The following TAF4B variants were observed in gnomAD, a reference collection of about 807,000 sequenced individuals.
The protein encoded by TAF4B is transcription initiation factor TFIID subunit 4B.
In TAF4B, 38 loss-of-function variants were observed where a neutral mutation model predicts 86.4. The ratio of observed to expected loss-of-function variants is 0.44; its 90% confidence interval spans 0.34 to 0.58. The LOEUF (loss-of-function observed/expected upper bound fraction) is 0.58, where lower values mean the gene tolerates loss of function less well. Ranked by LOEUF, TAF4B falls within the 20% of genes least tolerant of loss-of-function variation. The probability of loss-of-function intolerance (pLI) is 0.02; values close to 1 mark genes in which losing one functional copy is unlikely to be tolerated. For missense variants in TAF4B, 988 were observed against 1,027.6 expected, an observed-to-expected ratio of 0.96 and a Z score of 0.53; for synonymous variants, 388 against 391.2, an observed-to-expected ratio of 0.99 and a Z score of 0.10.
chr18:26,324,363 C>T (rs745551076), intron 11 of TAF4B, among the ~76,000 whole-genome samples: 7 of 152,182 alleles, frequency 4.6e-5, no homozygotes, highest in Non-Finnish European at 7.3e-5. Flanking sequence ...CCACCCGCCT[C>T]GGCCTCCCAA....
intron 14 of TAF4B, among the ~76,000 whole-genome samples, chr18:26,388,133 C>A (rs749668987): frequency 1.3e-5 from 2 of 152,078 alleles, no homozygotes; most frequent in Admixed American, 1.3e-4. Flanking sequence ...CCTATCGAGA[C>A]GTTTTGTGAA....
At chr18:26,231,437 C>T (rs1031808779) in intron 1 of TAF4B, among the ~76,000 whole-genome samples, 1 of 147,928 alleles carries the variant, frequency 6.8e-6, no homozygotes, top group African/African-American at 2.5e-5. Context: ...ACTGCAACCT[C>T]TGCCTCCTGG....
In TAF4B at chr18:26,263,576, G is replaced by A. The variant is rs563023519; in HGVS notation, c.344-1594G>A. 8.5e-5 allele frequency among the ~76,000 whole-genome samples: 13 copies of A among 152,238 alleles called. No individual in the cohort carries two copies. The South Asian group carries it at 2.1e-3, about 24-fold the overall frequency. On this transcript the variant is annotated intron_variant, in intron 1 of 14. Coordinates refer to ENST00000269142, the MANE Select transcript of TAF4B (RefSeq NM_005640.3). Reference sequence around the variant, plus strand: ...CCAAAATTTTGCTTCATTTTGTGGCGTGTCCTATTACCTGATGGTGTCTTT... The same window carrying A: ...CCAAAATTTTGCTTCATTTTGTGGCATGTCCTATTACCTGATGGTGTCTTT...
chr18:26,231,290 A>T (rs1598701233), intron 1 of TAF4B, among the ~76,000 whole-genome samples: 1 of 140,454 alleles, frequency 7.1e-6, no homozygotes. Context: ...TGATCCGCCC[A>T]CCTTGGCCTC....
At chr18:26,254,303 A>ATT (rs79806318) in intron 1 of TAF4B, among the ~76,000 whole-genome samples, 4 of 151,074 alleles carry the variant, frequency 2.6e-5, no homozygotes, top group Non-Finnish European at 5.9e-5. Flanking sequence ...AGTTTTGTTT[A>ATT]TTTTTTTTCC....
intron 5 of TAF4B, among the ~76,000 whole-genome samples, chr18:26,277,168 G>C (rs2056393956): frequency 6.6e-6 from 1 of 151,942 alleles, no homozygotes; most frequent in Non-Finnish European, 1.5e-5. Context: ...CTGCTTTCTT[G>C]ACCCTCCTGG....
chr18:26,335,315 T>TA (rs1224296359), intron 13 of TAF4B, 84 bp downstream of exon 13: 13 of 1,239,406 alleles, frequency 1.0e-5, no homozygotes, highest in African/African-American at 3.0e-5. Flanking sequence ...CAGGGTTTAT[T>TA]TTGCTGTTGC....
intron 9 of TAF4B, among the ~76,000 whole-genome samples, 177 bp from the exon 10 acceptor site, chr18:26,315,052 C>T (rs1357878849): frequency 4.8e-5 from 7 of 145,380 alleles, no homozygotes; most frequent in African/African-American, 1.5e-4. Context: ...AAAATAATGC[C>T]GTTAGTTACA....
intron 1 of TAF4B, among the ~76,000 whole-genome samples, chr18:26,245,329 C>T (rs887971847): frequency 2.6e-5 from 4 of 152,060 alleles, no homozygotes; most frequent in East Asian, 1.9e-4. Context: ...TGCAGACCTT[C>T]GTGGTGAGTG....
chr18:26,298,767 A>G (rs1399383774), intron 9 of TAF4B, among the ~76,000 whole-genome samples: 1 of 145,884 alleles, frequency 6.9e-6, no homozygotes, highest in African/African-American at 2.6e-5. Flanking sequence ...CTGGTCTTGA[A>G]CTCCTGGCCT....
rs151308938 is a variant in TAF4B, at chr18:26,302,811, A to C, written c.1832+9280A>C. ...TTGAATAATTTGTCCTTCCTCAGTGATCTGTAATGTCTCCTATGTCATATA... is the reference window on the plus strand; with the variant it reads ...TTGAATAATTTGTCCTTCCTCAGTGCTCTGTAATGTCTCCTATGTCATATA... On this transcript the variant is annotated intron_variant, in intron 9 of 14. Transcript: ENST00000269142. Among the ~76,000 whole-genome samples, 313 of 151,890 alleles carry C rather than the reference A, an allele frequency of 2.1e-3. 3 individuals carry two copies. The highest frequency in any genetic ancestry group is 3.5e-3 in the Admixed American group (54 of 15,256).
intron 3 of TAF4B, among the ~76,000 whole-genome samples, chr18:26,272,160 G>A (rs1391097867): frequency 6.6e-6 from 1 of 151,998 alleles, no homozygotes; most frequent in Non-Finnish European, 1.5e-5. Context: ...GGCGCGTGGG[G>A]GATTCTTCTG....
intron 1 of TAF4B, among the ~76,000 whole-genome samples, chr18:26,258,998 T>C (rs983308853): frequency 6.6e-6 from 1 of 152,076 alleles, no homozygotes; most frequent in Non-Finnish European, 1.5e-5. Flanking sequence ...AGCCTGTTTT[T>C]AAATTTTAAA....
intron 10 of TAF4B, among the ~76,000 whole-genome samples, chr18:26,316,918 T>G (rs1322188812): frequency 6.6e-6 from 1 of 152,192 alleles, no homozygotes; most frequent in Non-Finnish European, 1.5e-5. Flanking sequence ...CTTCCTGTGA[T>G]GGCTTGGGAA....
Position 26,359,906 on chromosome 18 carries a change from C to T in TAF4B, c.2421+2112C>T, listed in dbSNP as rs199895790. On this transcript the variant is annotated intron_variant, in intron 14 of 14. Coordinates refer to ENST00000269142, the MANE Select transcript of TAF4B (RefSeq NM_005640.3). ...TAATTTTTTTTTTTTTTGGTAGAGA[C>T]GGAGTTTTGCCATGTTGCCCAGCTT... 1.2e-4 allele frequency among the ~76,000 whole-genome samples: 18 copies of T among 150,262 alleles called. No homozygotes were observed. In the East Asian group the frequency reaches 1.6e-3, roughly 13 times the overall value.
chr18:26,285,216 T>TTTTTG (rs1568127485), intron 6 of TAF4B, among the ~76,000 whole-genome samples: 9 of 100,268 alleles, frequency 9.0e-5, no homozygotes, highest in African/African-American at 1.7e-4. Flanking sequence ...TTTCCTTTTT[T>TTTTTG]TTTTTGTTTT....
chr18:26,292,268 G>A lies in TAF4B; in HGVS notation c.1613G>A (p.Gly538Asp). 2.5e-6 allele frequency: 4 copies of A among 1,614,020 alleles called. No individual in the cohort carries two copies. The highest frequency in any genetic ancestry group is 1.3e-5 in the African/African-American group (1 of 75,030). The change falls in exon 8 of 15, where the codon GGC becomes GAC. Residue 538 changes from glycine to aspartate, a missense_variant. Physicochemically the swap from Gly to Asp is moderately conservative, Grantham distance 94 (BLOSUM62 -1). Transcript: ENST00000269142. ...KQLVVQQPSG[G>D]NEKQVTTISH... ...CAGGTAGTTCAGCAGCCTTCAGGAG[G>A]CAATGAAAAACAAGTGACCACAATT...
At chr18:26,332,350 A>C (rs899359243) in intron 12 of TAF4B, among the ~76,000 whole-genome samples, 6 of 152,140 alleles carry the variant, frequency 3.9e-5, no homozygotes, top group African/African-American at 1.2e-4. Context: ...TCTCTTCTTC[A>C]CAACAGTTGT....
chr18:26,313,647 G>C (rs1263890003), intron 9 of TAF4B, among the ~76,000 whole-genome samples: 1 of 150,748 alleles, frequency 6.6e-6, no homozygotes, highest in East Asian at 1.9e-4. Flanking sequence ...CAATTGCTGT[G>C]TTTAGCAGTT....
Sources: gnomAD v4.1 joint callset for allele counts (sites outside exome capture counted in the v4.1 genomes callset) on GRCh38, gnomAD v4.1.1 for gene constraint, MANE v1.5 for transcripts, NCBI Gene and HGNC (gene_info 2026-07-23, HGNC 2026-07-21) for gene names.